The following AVPR1A variants were observed in gnomAD, a reference collection of about 807,000 sequenced individuals.
AVPR1A encodes the protein vasopressin V1a receptor.
In AVPR1A, 31 loss-of-function variants were observed where a neutral mutation model predicts 31.5. The ratio of observed to expected loss-of-function variants is 0.99; its 90% CI spans 0.74 to 1.33. The LOEUF (loss-of-function observed/expected upper bound fraction) is 1.33, where lower values mean the gene tolerates loss of function less well. Among genes scored for constraint, AVPR1A ranks in the 40% most tolerant of loss-of-function variants. The pLI is 0.00. For missense variants in AVPR1A, 570 were observed against 575.2 expected, an observed-to-expected ratio of 0.99 and a Z score of 0.09; for synonymous variants, 243 against 233.2, an observed-to-expected ratio of 1.04 and a Z score of -0.38.
intron 1 of AVPR1A, 40 bp downstream of exon 1, chr12:63,149,824 ACAC>A (rs745808736): frequency 1.6e-5 from 25 of 1,586,704 alleles, no homozygotes; most frequent in Non-Finnish European, 2.0e-5. Flanking sequence ...ACACACACAC[ACAC>A]TCCTATCCCT....
In AVPR1A at chr12:63,150,580, A is replaced by T; in HGVS notation, c.257T>A (p.Met86Lys). 6.2e-7 allele frequency: 1 copy of T among 1,612,350 alleles called. No homozygotes were observed. The highest frequency in any genetic ancestry group is 8.5e-7 in the Non-Finnish European group (1 of 1,179,926). The change falls in exon 1 of 2, where the codon ATG (methionine) becomes AAG (lysine). Residue 86 changes from methionine (M) to lysine (K), a missense_variant. Met to Lys is a moderately conservative substitution (Grantham distance 95). Coordinates refer to ENST00000299178, the MANE Select transcript of AVPR1A (RefSeq NM_000706.5). This position sits in a 1 kb window ranked among gnomAD's most constrained non-coding sequence, Gnocchi z 4.9. ...LHRTPRKTSR[M>K]HLFIRHLSLA... ...GCTGAGGTGTCGGATGAAGAGGTGC[A>T]TGCGGGACGTCTTGCGCGGCGTCCG...
Position 63,147,079 on chromosome 12 carries a change from A to T in AVPR1A, c.*280T>A. ...GAAACTAACAACAAAATATAAAGCT[A>T]GGGTGGTTATGATTTTTCCTTTAAA... On this transcript the variant is annotated 3_prime_UTR_variant, in exon 2 of 2. Transcript: ENST00000299178. 1 of 358,376 alleles carries T rather than the reference A, an allele frequency of 2.8e-6. No individual in the cohort carries two copies. Among genetic ancestry groups the T allele is most frequent in the Non-Finnish European group, 5.1e-6 (1 of 197,810 alleles). 22.2% of individuals were successfully genotyped at this position (358,376 alleles called of 1,614,324 possible).
Position 63,147,457 on chromosome 12 carries a change from A to G in AVPR1A, c.1159T>C (p.Phe387Leu). The G allele has an allele frequency of 6.2e-7, 1 of 1,614,142 alleles. No individual in the cohort carries two copies. The change falls in exon 2 of 2, where the codon TTT becomes CTT. Residue 387 changes from phenylalanine (F) to leucine (L), a missense_variant. By Grantham distance (22) the Phe-to-Leu change is conservative. Transcript: ENST00000299178. ...GTTGGGCTTCGATTGTTAGAATAAAAAGTCTGTCTTCTGCTCATACTGTCA... is the reference window on the plus strand; with the variant it reads ...GTTGGGCTTCGATTGTTAGAATAAAGAGTCTGTCTTCTGCTCATACTGTCA... Reference protein sequence around the residue: ...DTDSMSRRQTFYSNNRSPTNS... With the variant: ...DTDSMSRRQTLYSNNRSPTNS...
rs1868351578 is a variant in AVPR1A at position 63,145,523 on chromosome 12, G to A, written c.*1836C>T. 3.1e-6 allele frequency: 1 copy of A among 321,492 alleles called. No homozygotes were observed. Among genetic ancestry groups the A allele is most frequent in the Admixed American group, 4.2e-5 (1 of 23,626 alleles). The allele number at this position is 321,492 out of a possible 1,614,324, so 19.9% of individuals were successfully genotyped here. On this transcript the variant is annotated 3_prime_UTR_variant, in exon 2 of 2. Coordinates refer to ENST00000299178, the MANE Select transcript of AVPR1A (RefSeq NM_000706.5). Reference sequence around the variant, plus strand: ...GCATATAGTCCCAGCTACTCGGGAGGCTGAGGCAGGAGAATCGCTTGAACC... The same window carrying A: ...GCATATAGTCCCAGCTACTCGGGAGACTGAGGCAGGAGAATCGCTTGAACC...
Position 63,147,371 on chromosome 12 carries a change from A to G in AVPR1A, c.1245T>C (p.Pro415=), listed in dbSNP as rs755580921. ...PKSSKSIKFI[P]VST ...ATGAATGCAAGGCTCAAGTTGAAAC[A>G]GGAATGAATTTGATGGACTTGGAAG... The change falls in exon 2 of 2, where the codon CCT becomes CCC. Residue 415 remains proline (P), a synonymous_variant. Transcript: ENST00000299178. The G allele has an allele frequency of 1.2e-6, 2 of 1,612,084 alleles. No individual in the cohort carries two copies. The highest frequency in any genetic ancestry group is 4.5e-5 in the East Asian group (2 of 44,852).
Position 63,150,511 on chromosome 12 carries a change from A to ATTTGCG in AVPR1A, c.320_325dup (p.Gln108_Met109insThrGln). The ATTTGCG allele has an allele frequency of 6.2e-7, 1 of 1,613,332 alleles. No homozygotes were observed. Among genetic ancestry groups the ATTTGCG allele is most frequent in the Non-Finnish European group, 8.5e-7 (1 of 1,179,814 alleles). On this transcript the variant is annotated inframe_insertion, in exon 1 of 2. Coordinates refer to ENST00000299178, the MANE Select transcript of AVPR1A (RefSeq NM_000706.5). The surrounding 1 kb of genome is among the most constrained non-coding windows in gnomAD (Gnocchi z 4.9). ...GAAGCGGTAGGTGATGTCCCAGCAC[A>ATTTGCG]TTTGCGGCAGCACCTGGAAGAATGC...
chr12:63,146,166 T>C lies in AVPR1A; in HGVS notation c.*1193A>G, dbSNP rs187102669. ...CCTTACAACAACCCTGTGAGGTAAG[T>C]GTTATCAACCCCACGGTAAGTCAAG... On this transcript the variant is annotated 3_prime_UTR_variant, in exon 2 of 2. Transcript: ENST00000299178. The C allele has an allele frequency of 6.6e-6, 1 of 152,300 alleles. No individual in the cohort carries two copies. Among genetic ancestry groups the C allele is most frequent in the East Asian group, 1.9e-4 (1 of 5,180 alleles). 9.4% of individuals were successfully genotyped at this position (152,300 alleles called of 1,614,324 possible).
rs951546942 is a variant in AVPR1A, at chr12:63,150,783, C to G, written c.54G>C (p.Trp18Cys). The G allele has an allele frequency of 3.1e-6, 5 of 1,596,950 alleles. No homozygotes were observed. The East Asian group carries it at 1.1e-4, about 36-fold the overall frequency. ...TGCCAGCGCCGGTGGCCAGAGGCCA[C>G]CATGGGCTGGAGTTGCCCGAGGGCC... Reference protein sequence around the residue: ...DAGPSGNSSPWWPLATGAGNT... With the variant: ...DAGPSGNSSPCWPLATGAGNT... The change falls in exon 1 of 2, where the codon TGG becomes TGC. Residue 18 changes from tryptophan (W) to cysteine (C), a missense_variant. By Grantham distance (215) the Trp-to-Cys change is radical. Coordinates refer to ENST00000299178, the MANE Select transcript of AVPR1A (RefSeq NM_000706.5). The surrounding 1 kb of genome is among the most constrained non-coding windows in gnomAD (Gnocchi z 4.9).
chr12:63,145,419 T>A lies in AVPR1A; in HGVS notation c.*1940A>T, dbSNP rs569609617. 3.2e-4 allele frequency: 143 copies of A among 452,050 alleles called. 1 individual carries two copies. The Middle Eastern group carries it at 3.9e-3, about 12-fold the overall frequency. 28.0% of individuals were successfully genotyped at this position (452,050 alleles called of 1,614,324 possible). A position where few individuals can be genotyped will look rare whatever the true frequency, so the allele number is the denominator to read the frequency against. ...GGTAAAAAAAGAAACTCAATAATAC[T>A]ATTAAAACCATGCTGGCCAACATGG... On this transcript the variant is annotated 3_prime_UTR_variant, in exon 2 of 2. Transcript: ENST00000299178.
rs1868372384 is a variant in AVPR1A, at chr12:63,147,342, T to C, written c.*17A>G. ...CAAAAAGTCAATCACAAGAATCAAGTTGCATGAATGCAAGGCTCAAGTTGA... is the reference window on the plus strand; with the variant it reads ...CAAAAAGTCAATCACAAGAATCAAGCTGCATGAATGCAAGGCTCAAGTTGA... On this transcript the variant is annotated 3_prime_UTR_variant, in exon 2 of 2. Transcript: ENST00000299178. 6.2e-7 allele frequency: 1 copy of C among 1,606,260 alleles called. No homozygotes were observed. The highest frequency in any genetic ancestry group is 1.1e-5 in the South Asian group (1 of 90,762).
At position 63,145,643 on chromosome 12, in the gene AVPR1A, A is replaced by G. The variant is rs761941108; in HGVS notation, c.*1716T>C. On this transcript the variant is annotated 3_prime_UTR_variant, in exon 2 of 2. Transcript: ENST00000299178. ...TGTTTCAAAAAAAAAAAAAGCAACT[A>G]TTACTTCCTCTTAAGGATGCAAAAT... 6.6e-5 allele frequency: 12 copies of G among 182,138 alleles called. No homozygotes were observed. The highest frequency in any genetic ancestry group is 1.3e-4 in the Non-Finnish European group (11 of 85,190). 11.3% of individuals were successfully genotyped at this position (182,138 alleles called of 1,614,324 possible).
In AVPR1A at chr12:63,144,138, G is replaced by A. The variant is rs1242926239; in HGVS notation, c.*3221C>T. 1.3e-5 allele frequency: 2 copies of A among 152,010 alleles called. No homozygotes were observed. Among genetic ancestry groups the A allele is most frequent in the Admixed American group, 6.6e-5 (1 of 15,260 alleles). 9.4% of individuals were successfully genotyped at this position (152,010 alleles called of 1,614,324 possible). A position where few individuals can be genotyped will look rare whatever the true frequency, so the allele number is the denominator to read the frequency against. On this transcript the variant is annotated 3_prime_UTR_variant, in exon 2 of 2. Coordinates refer to ENST00000299178, the MANE Select transcript of AVPR1A (RefSeq NM_000706.5). ...TTTTCTCTAAAACCATACCCTTCCC[G>A]AAATCATGGCATAAGACTTGTTTGA...
In AVPR1A at chr12:63,150,670, G is replaced by A. The variant is rs1221639437; in HGVS notation, c.167C>T (p.Ala56Val). The change falls in exon 1 of 2, where the codon GCC (alanine) becomes GTC (valine). Residue 56 changes from alanine to valine, a missense_variant. By Grantham distance (64) the Ala-to-Val change is moderately conservative (BLOSUM62 0). Transcript: ENST00000299178. This position sits in a 1 kb window ranked among gnomAD's most constrained non-coding sequence, Gnocchi z 4.9. ...CACCGCGAAAGTCACCGCCAGCACG[G>A]CGATCTCCAGTTTGGCCAGCTCCTC... Reference protein sequence around the residue: ...RNEELAKLEIAVLAVTFAVAV... With the variant: ...RNEELAKLEIVVLAVTFAVAV... The A allele has an allele frequency of 1.2e-6, 2 of 1,608,724 alleles. No homozygotes were observed. The highest frequency in any genetic ancestry group is 1.7e-6 in the Non-Finnish European group (2 of 1,179,880).
At position 63,150,230 on chromosome 12, in the gene AVPR1A, A is replaced by C. The variant is rs1338176647; in HGVS notation, c.607T>G (p.Cys203Gly). Reference protein sequence around the residue: ...EVNNVTKARDCWATFIQPWGS... With the variant: ...EVNNVTKARDGWATFIQPWGS... ...CAGGGCTGGATGAAGGTGGCCCAGC[A>C]GTCGCGGGCCTTGGTGACATTGTTC... Residue 203 changes from cysteine (C) to glycine (G), a missense_variant, in exon 1 of 2, where the codon TGC becomes GGC. Transcript: ENST00000299178. The surrounding 1 kb of genome is among the most constrained non-coding windows in gnomAD (Gnocchi z 4.9). 4 of 1,613,804 alleles carry C rather than the reference A, an allele frequency of 2.5e-6. No individual in the cohort carries two copies. Among genetic ancestry groups the C allele is most frequent in the East Asian group, 2.2e-5 (1 of 44,880 alleles).
In AVPR1A at chr12:63,144,429, C is replaced by T. The variant is rs1868342687; in HGVS notation, c.*2930G>A. 6.6e-6 allele frequency: 1 copy of T among 152,116 alleles called. No individual in the cohort carries two copies. Among genetic ancestry groups the T allele is most frequent in the African/African-American group, 2.4e-5 (1 of 41,428 alleles). The allele number at this position is 152,116 out of a possible 1,614,324, so 9.4% of individuals were successfully genotyped here. On this transcript the variant is annotated 3_prime_UTR_variant, in exon 2 of 2. Coordinates refer to ENST00000299178, the MANE Select transcript of AVPR1A (RefSeq NM_000706.5). Reference sequence around the variant, plus strand: ...TTTTTTATATATCACATTCCTAATACCCATATAGAGGCATTAAAATTGTGT... The same window carrying T: ...TTTTTTATATATCACATTCCTAATATCCATATAGAGGCATTAAAATTGTGT...
rs886196587 is a variant in AVPR1A at position 63,147,449 on chromosome 12, A to G, written c.1167T>C (p.Ser389=). The G allele has an allele frequency of 1.9e-6, 3 of 1,614,016 alleles. No homozygotes were observed. In the African/African-American group the frequency reaches 4.0e-5, roughly 22 times the overall value. ...DSMSRRQTFY[S]NNRSPTNSTG... ...TACTGTTTGTTGGGCTTCGATTGTT[A>G]GAATAAAAAGTCTGTCTTCTGCTCA... The change falls in exon 2 of 2, where the codon TCT becomes TCC. Residue 389 remains serine, a synonymous_variant. Coordinates refer to ENST00000299178, the MANE Select transcript of AVPR1A (RefSeq NM_000706.5).
Position 63,145,623 on chromosome 12 carries a change from CA to C in AVPR1A, c.*1735del, listed in dbSNP as rs35843930. 4,989 of 132,118 alleles carry C rather than the reference CA, an allele frequency of 0.038. 33 individuals are homozygous for C. The highest frequency in any genetic ancestry group is 0.085 in the South Asian group (445 of 5,218). 8.2% of individuals were successfully genotyped at this position (132,118 alleles called of 1,614,324 possible). A position where few individuals can be genotyped will look rare whatever the true frequency, so the allele number is the denominator to read the frequency against. On this transcript the variant is annotated 3_prime_UTR_variant, in exon 2 of 2. Transcript: ENST00000299178. The stretch of plus-strand genomic sequence containing the variant: ...CTGGCAAAAGAGCAAGACTCTGTTT[CA>C]AAAAAAAAAAAAGCAACTATTACTT...
chr12:63,146,573 T>A lies in AVPR1A; in HGVS notation c.*786A>T, dbSNP rs1868362153. The A allele has an allele frequency of 6.6e-6, 1 of 152,206 alleles. No homozygotes were observed. The highest frequency in any genetic ancestry group is 2.1e-4 in the South Asian group (1 of 4,830). The allele number at this position is 152,206 out of a possible 1,614,324, so 9.4% of individuals were successfully genotyped here. Reference sequence around the variant, plus strand: ...CTTAAGCAATCCTTTTCTACTCTTTTAATAAAATTTGGCTTTCCTTATACA... The same window carrying A: ...CTTAAGCAATCCTTTTCTACTCTTTAAATAAAATTTGGCTTTCCTTATACA... On this transcript the variant is annotated 3_prime_UTR_variant, in exon 2 of 2. Transcript: ENST00000299178.
In AVPR1A at chr12:63,150,650, C is replaced by T. The variant is rs546723310; in HGVS notation, c.187G>A (p.Ala63Thr). ...CTGCTGTTGCCCAGCACGGCCACCG[C>T]GAAAGTCACCGCCAGCACGGCGATC... ...LEIAVLAVTF[A>T]VAVLGNSSVL... Residue 63 changes from alanine (A) to threonine (T), a missense_variant, in exon 1 of 2, where the codon GCG becomes ACG. By Grantham distance (58) the Ala-to-Thr change is moderately conservative (BLOSUM62 0). Transcript: ENST00000299178. The surrounding 1 kb of genome is among the most constrained non-coding windows in gnomAD (Gnocchi z 4.9). 45 of 1,609,268 alleles carry T rather than the reference C, an allele frequency of 2.8e-5. No individual in the cohort carries two copies. In the East Asian group the frequency reaches 9.4e-4, roughly 33 times the overall value.
Sources: allele counts gnomAD v4.1 joint callset, GRCh38; gene constraint gnomAD v4.1.1; non-coding constraint Gnocchi (gnomAD v3.1); transcripts MANE v1.5; gene names NCBI Gene and HGNC (gene_info 2026-07-23, HGNC 2026-07-21).